Variants in ABCD3 observed in about 807,000 individuals in gnomAD.
The protein encoded by ABCD3 is ATP-binding cassette sub-family D member 3.
ABCD3 carries 41 observed loss-of-function variants against 105.5 expected under a neutral mutation model. That is an observed-to-expected ratio of 0.39 (90% CI 0.30 to 0.50). The LOEUF (loss-of-function observed/expected upper bound fraction) is 0.50. Ranked by LOEUF, ABCD3 falls within the 20% of genes least tolerant of loss-of-function variation. The probability of loss-of-function intolerance (pLI) is 0.84; values close to 1 mark genes in which losing one functional copy is unlikely to be tolerated. For synonymous variants in ABCD3, 258 were observed against 269.0 expected (o/e 0.96, Z 0.40); for missense variants, 622 against 806.3 (o/e 0.77, Z 2.77).
intron 8 of ABCD3, 174 bp from the exon 9 acceptor site, chr1:94,480,290 G>C (rs1190915516): frequency 7.3e-6 from 5 of 681,278 alleles, no homozygotes; most frequent in Non-Finnish European, 1.2e-5. Context: ...AGTAGTAAAA[G>C]TGTAGAGGCT....
the ABCD3 span, among the ~76,000 whole-genome samples, chr1:94,403,791 A>G: frequency 6.6e-6 from 1 of 152,042 alleles, no homozygotes; most frequent in Admixed American, 6.6e-5. Context: ...TAATTTTCTG[A>G]TATGACTAAA....
chr1:94,431,444 T>G (rs1468638388), intron 1 of ABCD3, among the ~76,000 whole-genome samples: 2 of 152,218 alleles, frequency 1.3e-5, no homozygotes, highest in Non-Finnish European at 2.9e-5. Context: ...ACAAGAGTTT[T>G]GCTGTTAAGA....
chr1:94,478,051 C>A (rs1007253976), intron 7 of ABCD3, among the ~76,000 whole-genome samples: 1 of 151,996 alleles, frequency 6.6e-6, no homozygotes, highest in Non-Finnish European at 1.5e-5. Context: ...TAAGCTGTTC[C>A]CATTTTAAGT....
the ABCD3 span, among the ~76,000 whole-genome samples, chr1:94,389,136 G>GCTATATTATTA: frequency 6.6e-6 from 1 of 152,200 alleles, no homozygotes; most frequent in East Asian, 1.9e-4. Context: ...ATAGAATGTA[G>GCTATATTATTA]TAGGCCCAGA....
Position 94,518,101 on chromosome 1 carries a change from A to G in ABCD3, c.*972A>G, listed in dbSNP as rs1039066038. On this transcript the variant is annotated 3_prime_UTR_variant, in exon 23 of 23. Coordinates refer to ENST00000370214, the MANE Select transcript of ABCD3 (RefSeq NM_002858.4). Reference sequence around the variant, plus strand: ...AAAAAGTATGTTCTAAAATTATTATATATACATGGGTGAATTATGTTTCCG... The same window carrying G: ...AAAAAGTATGTTCTAAAATTATTATGTATACATGGGTGAATTATGTTTCCG... The G allele has an allele frequency of 2.6e-5, 4 of 152,032 alleles. No individual in the cohort carries two copies. The highest frequency in any genetic ancestry group is 3.4e-3 in the Middle Eastern group (1 of 294). The allele number at this position is 152,032 out of a possible 1,614,324, so 9.4% of individuals were successfully genotyped here. A position where few individuals can be genotyped will look rare whatever the true frequency, so the allele number is the denominator to read the frequency against.
chr1:94,418,678 T>G, intron 1 of ABCD3, 90 bp downstream of exon 1: 3 of 1,368,988 alleles, frequency 2.2e-6, no homozygotes, highest in Non-Finnish European at 3.0e-6. Context: ...CAGGTCTCTT[T>G]GCCCGACGGG....
At chr1:94,406,355 TTTACAGTCCAGTGGGTTGTTGTTGTTG>T in the ABCD3 span, 1 of 222,512 alleles carries the variant, frequency 4.5e-6, no homozygotes, top group Non-Finnish European at 8.9e-6. Context: ...TTTTTTTTTT[TTTACAGTCCAGTGGGTTGTTGTTGTTG>T]TTTTACACTT....
chr1:94,436,725 T>C (rs1659918118), intron 1 of ABCD3, among the ~76,000 whole-genome samples: 1 of 152,242 alleles, frequency 6.6e-6, no homozygotes, highest in Admixed American at 6.5e-5. Flanking sequence ...ATATCTGTTA[T>C]GATGATCTGT....
At chr1:94,466,507 A>G (rs1382162174) in intron 3 of ABCD3, among the ~76,000 whole-genome samples, 1 of 152,178 alleles carries the variant, frequency 6.6e-6, no homozygotes, top group African/African-American at 2.4e-5. Flanking sequence ...CCATCTGCTT[A>G]GGAGATCATT....
chr1:94,501,432 G>A (rs1361585054), intron 20 of ABCD3, among the ~76,000 whole-genome samples: 1 of 152,154 alleles, frequency 6.6e-6, no homozygotes, highest in Non-Finnish European at 1.5e-5. Context: ...TCAGAGGGTG[G>A]AAAGGAGAAG....
intron 1 of ABCD3, chr1:94,455,866 C>A: frequency 8.1e-7 from 1 of 1,235,034 alleles, no homozygotes. Flanking sequence ...CATGAATCTC[C>A]ATTTATCTCT....
chr1:94,500,207 C>G (rs887757954), intron 20 of ABCD3, among the ~76,000 whole-genome samples: 33 of 151,840 alleles, frequency 2.2e-4, no homozygotes, highest in African/African-American at 7.7e-4. Context: ...TGTCTCAAAC[C>G]AAAAATATGC....
At chr1:94,474,092 C>A (rs1398152923) in intron 5 of ABCD3, among the ~76,000 whole-genome samples, 1 of 148,064 alleles carries the variant, frequency 6.8e-6, no homozygotes, top group Non-Finnish European at 1.5e-5. Flanking sequence ...GGTTTTTTGG[C>A]ATTTTTTTTT....
the ABCD3 span, among the ~76,000 whole-genome samples, chr1:94,399,594 G>A: frequency 6.6e-6 from 1 of 152,222 alleles, no homozygotes; most frequent in African/African-American, 2.4e-5. Flanking sequence ...GTGGAACCCA[G>A]ACTCATGACT....
chr1:94,509,898 T>C (rs1650575366), intron 21 of ABCD3, among the ~76,000 whole-genome samples: 1 of 152,168 alleles, frequency 6.6e-6, no homozygotes, highest in Non-Finnish European at 1.5e-5. Flanking sequence ...TTATTAGTCT[T>C]GCTAGCAGTC....
intron 1 of ABCD3, among the ~76,000 whole-genome samples, chr1:94,425,991 G>A (rs1455230051): frequency 3.3e-5 from 5 of 152,192 alleles, no homozygotes; most frequent in Non-Finnish European, 7.4e-5. Context: ...TCACTCAGCA[G>A]TTAAGTGAGG....
At chr1:94,483,944 C>T (rs1649155223) in intron 10 of ABCD3, among the ~76,000 whole-genome samples, 1 of 151,956 alleles carries the variant, frequency 6.6e-6, no homozygotes, top group Admixed American at 6.6e-5. Flanking sequence ...AACAAATTTA[C>T]AAGAAAAAAA....
At chr1:94,430,137 C>G (rs1659617687) in intron 1 of ABCD3, among the ~76,000 whole-genome samples, 1 of 152,238 alleles carries the variant, frequency 6.6e-6, no homozygotes, top group Admixed American at 6.5e-5. Context: ...TGTGTGGGGC[C>G]TGCAGCCCCT....
intron 1 of ABCD3, among the ~76,000 whole-genome samples, chr1:94,421,864 T>G (rs1249364096): frequency 6.6e-6 from 1 of 152,168 alleles, no homozygotes; most frequent in Non-Finnish European, 1.5e-5. Context: ...GAAAGAAACT[T>G]TGTGGTGCCC....
Sources: allele counts gnomAD v4.1 joint callset (sites outside exome capture counted in the v4.1 genomes callset), GRCh38; gene constraint gnomAD v4.1.1; transcripts MANE v1.5; gene names NCBI Gene and HGNC (gene_info 2026-07-23, HGNC 2026-07-21).